LOC400499: variants seen among roughly 807,000 people sequenced by gnomAD.
chr16:11,375,252 CTTG>C, the LOC400499 span, among the ~76,000 whole-genome samples: 1 of 143,394 alleles, frequency 7.0e-6, no homozygotes, highest in African/African-American at 2.7e-5. Flanking sequence ...TGTCCTAACA[CTTG>C]TTATTTTCTG....
the LOC400499 span, among the ~76,000 whole-genome samples, chr16:11,478,878 G>A: frequency 1.3e-5 from 2 of 152,260 alleles, no homozygotes; most frequent in South Asian, 2.1e-4. Context: ...AGTGAATGGG[G>A]CTCAGGAGAT....
chr16:11,429,744 G>A, the LOC400499 span, among the ~76,000 whole-genome samples: 5 of 151,794 alleles, frequency 3.3e-5, no homozygotes, highest in Non-Finnish European at 7.4e-5. Context: ...AAAGTGCTGG[G>A]ATTACAGGCA....
At chr16:11,460,896 C>A in the LOC400499 span, 1 of 1,450,914 alleles carries the variant, frequency 6.9e-7, no homozygotes, top group South Asian at 1.4e-5. Context: ...CACGGAGCCA[C>A]AGCCCTAGGA....
At chr16:11,384,171 CA>C in the LOC400499 span, 1 of 1,219,802 alleles carries the variant, frequency 8.2e-7, no homozygotes, top group Non-Finnish European at 1.0e-6. Flanking sequence ...GAGCAGCCCT[CA>C]AGAACCTCAG....
the LOC400499 span, chr16:11,478,503 G>A: frequency 2.5e-6 from 1 of 399,048 alleles, no homozygotes; most frequent in Non-Finnish European, 4.4e-6. Context: ...AGGGCAGATG[G>A]CATGGGCAGG....
the LOC400499 span, among the ~76,000 whole-genome samples, chr16:11,492,704 G>C: frequency 4.0e-5 from 6 of 151,758 alleles, no homozygotes; most frequent in African/African-American, 1.5e-4. Flanking sequence ...AGAATGGCGT[G>C]AACCCAGGAG....
chr16:11,462,409 C>A, the LOC400499 span: 4 of 1,327,294 alleles, frequency 3.0e-6, no homozygotes, highest in Non-Finnish European at 3.8e-6. Context: ...TCGCTAACAA[C>A]CTTCTACACC....
chr16:11,412,107 C>A, the LOC400499 span, among the ~76,000 whole-genome samples: 65 of 152,238 alleles, frequency 4.3e-4, 1 homozygote, highest in Non-Finnish European at 2.9e-4. Context: ...TTAAGCAATC[C>A]TCCCACCTCG....
chr16:11,401,517 G>A, the LOC400499 span: 2 of 398,634 alleles, frequency 5.0e-6, no homozygotes, highest in East Asian at 3.6e-5. Flanking sequence ...AAGGGCAGGT[G>A]GCTTTCAGCA....
chr16:11,382,549 C>T, the LOC400499 span, among the ~76,000 whole-genome samples: 3 of 152,220 alleles, frequency 2.0e-5, no homozygotes, highest in Non-Finnish European at 1.5e-5. Flanking sequence ...GAACAACACA[C>T]ATTTGGTCAC....
At chr16:11,446,808 C>T in the LOC400499 span, 1 of 1,536,124 alleles carries the variant, frequency 6.5e-7, no homozygotes, top group African/African-American at 1.4e-5. Context: ...CTCGGCCATT[C>T]AGGACAACCC....
At chr16:11,423,213 C>T in the LOC400499 span, 17 of 399,230 alleles carry the variant, frequency 4.3e-5, no homozygotes, top group African/African-American at 2.7e-4. Flanking sequence ...CCCTCGGCAC[C>T]ATCCTAACAG....
At chr16:11,479,167 G>A in the LOC400499 span, among the ~76,000 whole-genome samples, 4 of 152,204 alleles carry the variant, frequency 2.6e-5, no homozygotes, top group Non-Finnish European at 4.4e-5. Flanking sequence ...GAACTTGTGG[G>A]ATCCAGATGA....
At chr16:11,384,987 C>A in the LOC400499 span, 3 of 1,232,134 alleles carry the variant, frequency 2.4e-6, no homozygotes, top group African/African-American at 3.1e-5. Context: ...CTGGAGACGT[C>A]CTTCCTTGTC....
At chr16:11,435,124 T>G in the LOC400499 span, among the ~76,000 whole-genome samples, 1 of 151,572 alleles carries the variant, frequency 6.6e-6, no homozygotes, top group Non-Finnish European at 1.5e-5. Flanking sequence ...GGACTACAGG[T>G]GCATGCCACC....
chr16:11,513,332 G>A, the LOC400499 span, among the ~76,000 whole-genome samples: 1 of 150,606 alleles, frequency 6.6e-6, no homozygotes, highest in African/African-American at 2.5e-5. Flanking sequence ...CTGTGCCTGG[G>A]GAGGTTGAGA....
the LOC400499 span, among the ~76,000 whole-genome samples, chr16:11,504,553 C>T: frequency 7.4e-6 from 1 of 134,754 alleles, no homozygotes; most frequent in Non-Finnish European, 1.7e-5. Flanking sequence ...GAGACTCCGT[C>T]CCCCCCCCCA....
the LOC400499 span, among the ~76,000 whole-genome samples, chr16:11,405,588 C>T: frequency 0.11 from 17,354 of 152,094 alleles, 1,238 homozygotes; most frequent in Middle Eastern, 0.22. Context: ...TGCCACAGTC[C>T]GAGGGTGACT....
the LOC400499 span, among the ~76,000 whole-genome samples, chr16:11,390,756 C>T: frequency 1.3e-5 from 2 of 152,314 alleles, no homozygotes; most frequent in East Asian, 1.9e-4. Context: ...ACTGTTTGTA[C>T]AAACGTGGTT....
Sources: gnomAD v4.1 joint callset for allele counts (sites outside exome capture counted in the v4.1 genomes callset) on GRCh38, gnomAD v4.1.1 for gene constraint, MANE v1.5 for transcripts.